The following MFHAS1 variants were observed in gnomAD, a reference collection of about 807,000 sequenced individuals.
MFHAS1 encodes malignant fibrous histiocytoma-amplified sequence 1.
In MFHAS1, 50 loss-of-function variants were observed where a neutral mutation model predicts 70.4. That is an observed-to-expected ratio of 0.71 (90% CI 0.57 to 0.90). The LOEUF (loss-of-function observed/expected upper bound fraction) is 0.90, where lower values mean the gene tolerates loss of function less well. Ranked by LOEUF, MFHAS1 falls within the 40% of genes least tolerant of loss-of-function variation. The probability of loss-of-function intolerance (pLI) is 0.00; values close to 1 mark genes in which losing one functional copy is unlikely to be tolerated. For missense variants in MFHAS1, 1,795 were observed against 1,347.6 expected (o/e 1.33, Z -5.20); for synonymous variants, 952 against 620.0 (o/e 1.54, Z -7.96).
At chr8:8,879,559 TC>T (rs2116925608) in intron 1 of MFHAS1, among the ~76,000 whole-genome samples, 1 of 152,318 alleles carries the variant, frequency 6.6e-6, no homozygotes, top group Admixed American at 6.5e-5. Context: ...TTCCACCTAC[TC>T]ATACATCTGA....
chr8:8,855,446 C>T (rs1808401652), intron 1 of MFHAS1, among the ~76,000 whole-genome samples: 1 of 152,326 alleles, frequency 6.6e-6, no homozygotes. Context: ...GCAATTAAAT[C>T]CTAACTGAGA....
chr8:8,845,540 A>G (rs115287892), intron 1 of MFHAS1, among the ~76,000 whole-genome samples: 2,498 of 152,254 alleles, frequency 0.016, 62 homozygotes, highest in African/African-American at 0.057. Context: ...ATGGCCTTTG[A>G]CAAGACCCTC....
chr8:8,785,876 C>T lies in MFHAS1; in HGVS notation c.*146G>A, dbSNP rs533639143. 4.8e-6 allele frequency: 2 copies of T among 419,202 alleles called. No individual in the cohort carries two copies. The highest frequency in any genetic ancestry group is 6.0e-5 in the East Asian group (1 of 16,658). 26.0% of individuals were successfully genotyped at this position (419,202 alleles called of 1,614,324 possible). A position where few individuals can be genotyped will look rare whatever the true frequency, so the allele number is the denominator to read the frequency against. ...ACCCCCTCCCCACCTCTTCCCCAGT[C>T]GTCCAAAAAGCACCCTGCAAGCACG... On this transcript the variant is annotated 3_prime_UTR_variant, in exon 3 of 3. Transcript: ENST00000276282.
At chr8:8,878,591 G>A (rs184106255) in intron 1 of MFHAS1, among the ~76,000 whole-genome samples, 99 of 151,866 alleles carry the variant, frequency 6.5e-4, no homozygotes, top group Admixed American at 2.9e-3. Context: ...GTCAAACAAC[G>A]GCACCCAGGC....
chr8:8,843,246 C>G (rs570430983), intron 1 of MFHAS1, among the ~76,000 whole-genome samples: 2 of 146,188 alleles, frequency 1.4e-5, no homozygotes, highest in Non-Finnish European at 1.5e-5. Context: ...TCCGCAGTCC[C>G]GCCTGGGCGA....
Position 8,892,273 on chromosome 8 carries a change from C to A in MFHAS1, c.786G>T (p.Leu262=), listed in dbSNP as rs1260949753. The change falls in exon 1 of 3, where the codon CTG becomes CTT. Residue 262 remains leucine (L), a synonymous_variant. Transcript: ENST00000276282. This position sits in a 1 kb window ranked among gnomAD's most constrained non-coding sequence, Gnocchi z 4.7. The stretch of plus-strand genomic sequence containing the variant: ...AGCTGAACTGGGCGGGCAGAGCCTG[C>A]AGCCCGTTGTTGTCTAGCATGAGGC... ...LESLMLDNNG[L]QALPAQFSCL... is the part of the protein sequence containing the mutation. The A allele has an allele frequency of 6.2e-7, 1 of 1,612,266 alleles. No individual in the cohort carries two copies. Among genetic ancestry groups the A allele is most frequent in the East Asian group, 2.2e-5 (1 of 44,888 alleles).
chr8:8,807,678 T>C (rs560078853), intron 1 of MFHAS1, among the ~76,000 whole-genome samples: 1 of 152,222 alleles, frequency 6.6e-6, no homozygotes, highest in African/African-American at 2.4e-5. Flanking sequence ...AACCTCACCA[T>C]CCACAAGAAG....
At chr8:8,809,767 A>G (rs1452527618) in intron 1 of MFHAS1, among the ~76,000 whole-genome samples, 7 of 152,196 alleles carry the variant, frequency 4.6e-5, no homozygotes, top group Admixed American at 4.6e-4. Context: ...CTCCTCTCAC[A>G]AAACACAAGT....
At chr8:8,787,916 C>T (rs564723547) in intron 2 of MFHAS1, among the ~76,000 whole-genome samples, 78 of 152,310 alleles carry the variant, frequency 5.1e-4, no homozygotes, top group Admixed American at 1.4e-3. Flanking sequence ...ATGCCTTTTT[C>T]CACATTTGGG....
intron 1 of MFHAS1, among the ~76,000 whole-genome samples, chr8:8,829,241 C>G (rs1484826693): frequency 6.6e-6 from 1 of 152,244 alleles, no homozygotes; most frequent in East Asian, 1.9e-4. Flanking sequence ...GATTCCAACT[C>G]AGTATGTGTA....
At chr8:8,853,538 G>A (rs1162425979) in intron 1 of MFHAS1, among the ~76,000 whole-genome samples, 1 of 150,798 alleles carries the variant, frequency 6.6e-6, no homozygotes, top group East Asian at 1.9e-4. Flanking sequence ...AAGGCAAACA[G>A]TGTGGGTACA....
At position 8,796,970 on chromosome 8, in the gene MFHAS1, T is replaced by TG. The variant is rs565153951; in HGVS notation, c.3125+394dup. Among the ~76,000 whole-genome samples the TG allele has an allele frequency of 3.3e-4, 50 of 152,230 alleles. No homozygotes were observed. In the East Asian group the frequency reaches 9.1e-3, roughly 28 times the overall value. On this transcript the variant is annotated intron_variant, in intron 2 of 2. Coordinates refer to ENST00000276282, the MANE Select transcript of MFHAS1 (RefSeq NM_004225.3). ...GAGATCGCACCACTGCACTCCAGCC[T>TG]GGGTGACAGAGCGAGACTCCATCTC...
intron 1 of MFHAS1, among the ~76,000 whole-genome samples, chr8:8,879,874 G>C (rs188376710): frequency 1.0e-3 from 157 of 152,252 alleles, no homozygotes; most frequent in African/African-American, 3.7e-3. Flanking sequence ...ATCTACATTT[G>C]TATCACTGCC....
At position 8,890,884 on chromosome 8, in the gene MFHAS1, G is replaced by A. The variant is rs767806746; in HGVS notation, c.2175C>T (p.His725=). 2.5e-6 allele frequency: 4 copies of A among 1,614,104 alleles called. No homozygotes were observed. Among genetic ancestry groups the A allele is most frequent in the Middle Eastern group, 1.6e-4 (1 of 6,062 alleles). Residue 725 remains histidine, a synonymous_variant, in exon 1 of 3, where the codon CAC becomes CAT. Coordinates refer to ENST00000276282, the MANE Select transcript of MFHAS1 (RefSeq NM_004225.3). The part of the protein sequence containing the change: ...YFEDSPALKE[H]VFHNLTRLID... Reference sequence around the variant, plus strand: ...TGAGGCGGGTGAGGTTGTGGAAGACGTGCTCCTTGAGAGCCGGACTGTCCT... The same window carrying A: ...TGAGGCGGGTGAGGTTGTGGAAGACATGCTCCTTGAGAGCCGGACTGTCCT...
At chr8:8,819,560 C>T (rs1041889760) in intron 1 of MFHAS1, among the ~76,000 whole-genome samples, 3 of 148,172 alleles carry the variant, frequency 2.0e-5, no homozygotes, top group South Asian at 2.1e-4. Flanking sequence ...GCCAAGATCA[C>T]GCCACTGCAC....
chr8:8,864,266 C>A lies in MFHAS1; in HGVS notation c.2998+25795G>T, dbSNP rs116857381. Reference sequence around the variant, plus strand: ...AGAAGGGTAAGTTAAAAAAACAAAGCCATTTTCTGCCCCTATGCTCAACCA... The same window carrying A: ...AGAAGGGTAAGTTAAAAAAACAAAGACATTTTCTGCCCCTATGCTCAACCA... On this transcript the variant is annotated intron_variant, in intron 1 of 2. Transcript: ENST00000276282. Among the ~76,000 whole-genome samples, 459 of 152,304 alleles carry A rather than the reference C, an allele frequency of 3.0e-3. 3 individuals are homozygous for A. The highest frequency in any genetic ancestry group is 4.8e-3 in the Non-Finnish European group (325 of 68,030).
chr8:8,892,440 C>T lies in MFHAS1; in HGVS notation c.619G>A (p.Glu207Lys). The change falls in exon 1 of 3, where the codon GAG becomes AAG. Residue 207 changes from glutamate to lysine, a missense_variant. Physicochemically the swap from Glu to Lys is moderately conservative, Grantham distance 56 (BLOSUM62 1). Transcript: ENST00000276282. The surrounding 1 kb of genome is among the most constrained non-coding windows in gnomAD (Gnocchi z 4.7). ...CGGTTGCTGGACACGTCCAGCTCCT[C>T]CAGGGCCACCAGCTGCAGCAGCTGC... ...PRQLLQLVALEELDVSSNRLR... is the reference protein window; with the variant it reads ...PRQLLQLVALKELDVSSNRLR... The T allele has an allele frequency of 6.2e-7, 1 of 1,611,606 alleles. No individual in the cohort carries two copies. Among genetic ancestry groups the T allele is most frequent in the Non-Finnish European group, 8.5e-7 (1 of 1,179,140 alleles).
rs1056157913 is a variant in MFHAS1 at position 8,893,197 on chromosome 8, C to A, written c.-139G>T. On this transcript the variant is annotated 5_prime_UTR_variant, in exon 1 of 3. Coordinates refer to ENST00000276282, the MANE Select transcript of MFHAS1 (RefSeq NM_004225.3). ...CCGGCGGCCGCGGGTCCTAGCGCAG[C>A]CAGCGGCCGAGCGCTGGCGGCTAGG... 2.8e-6 allele frequency: 1 copy of A among 351,742 alleles called. No individual in the cohort carries two copies. Among genetic ancestry groups the A allele is most frequent in the Non-Finnish European group, 4.5e-6 (1 of 223,844 alleles). 21.8% of individuals were successfully genotyped at this position (351,742 alleles called of 1,614,324 possible).
intron 1 of MFHAS1, among the ~76,000 whole-genome samples, chr8:8,878,400 G>T (rs1348572738): frequency 1.3e-5 from 2 of 152,046 alleles, no homozygotes; most frequent in Non-Finnish European, 2.9e-5. Flanking sequence ...GGCTGCTGTG[G>T]GGATTAAATA....
Sources: gnomAD v4.1 joint callset for allele counts (sites outside exome capture counted in the v4.1 genomes callset) on GRCh38, gnomAD v4.1.1 for gene constraint, Gnocchi (gnomAD v3.1) non-coding constraint, MANE v1.5 for transcripts, NCBI Gene and HGNC (gene_info 2026-07-23, HGNC 2026-07-21) for gene names.